The following PCDH11X variants were observed in gnomAD, a reference collection of about 807,000 sequenced individuals.
PCDH11X encodes the protein protocadherin-11 X-linked.
A neutral mutation model predicts 53.3 loss-of-function variants in PCDH11X; 18 were observed. The ratio of observed to expected loss-of-function variants is 0.34; its 90% confidence interval spans 0.23 to 0.50. The LOEUF (loss-of-function observed/expected upper bound fraction) is 0.50. Ranked by LOEUF, PCDH11X falls within the 20% of genes least tolerant of loss-of-function variation. The pLI is 0.98. For missense variants in PCDH11X, 570 were observed against 1,032.4 expected, an observed-to-expected ratio of 0.55 and a Z score of 6.14; for synonymous variants, 279 against 393.3, an observed-to-expected ratio of 0.71 and a Z score of 3.44.
chrX:92,553,724 A>G (rs7880075), intron 10 of PCDH11X, among the ~76,000 whole-genome samples: 14,775 of 107,720 alleles, frequency 0.14, 1,104 homozygotes, highest in African/African-American at 0.26. Flanking sequence ...TCTTCTTAAC[A>G]CTGCTTTTGC....
intron 6 of PCDH11X, among the ~76,000 whole-genome samples, chrX:92,167,482 A>C (rs2065754821): frequency 8.9e-6 from 1 of 112,139 alleles, no homozygotes; most frequent in Non-Finnish European, 1.9e-5. Flanking sequence ...CTCTTGAAAG[A>C]GTCAAAATCA....
intron 6 of PCDH11X, among the ~76,000 whole-genome samples, chrX:91,885,372 A>G (rs1940145342): frequency 9.0e-6 from 1 of 111,485 alleles, no homozygotes. Flanking sequence ...TATTCCTAAA[A>G]TCAGTGCCCT....
chrX:91,931,941 C>T (rs1333459121), intron 6 of PCDH11X, among the ~76,000 whole-genome samples: 1 of 110,966 alleles, frequency 9.0e-6, no homozygotes, highest in Admixed American at 9.6e-5. Context: ...GGTATGAAGC[C>T]CAGGATCCAT....
At chrX:91,792,030 T>G (rs946137746) in intron 1 of PCDH11X, among the ~76,000 whole-genome samples, 7 of 108,644 alleles carry the variant, frequency 6.4e-5, no homozygotes, top group Non-Finnish European at 1.3e-4. Flanking sequence ...CCTGGCTAAC[T>G]TTTTGTATTT....
At chrX:91,829,356 A>G (rs1183641586) in intron 4 of PCDH11X, among the ~76,000 whole-genome samples, 1 of 109,144 alleles carries the variant, frequency 9.2e-6, no homozygotes, top group East Asian at 2.9e-4. Flanking sequence ...ATCCTTATAT[A>G]TAAAACTCAA....
chrX:92,569,507 A>G (rs1602352667), intron 10 of PCDH11X, among the ~76,000 whole-genome samples: 1 of 110,059 alleles, frequency 9.1e-6, no homozygotes, highest in Non-Finnish European at 1.9e-5. Context: ...AAAAATAAAA[A>G]TCACGCAGGT....
chrX:92,467,093 A>G (rs1394488934), intron 9 of PCDH11X, among the ~76,000 whole-genome samples: 1 of 111,090 alleles, frequency 9.0e-6, no homozygotes, highest in East Asian at 2.8e-4. Context: ...AATTCTATGT[A>G]GAAGATCAAT....
chrX:92,521,137 A>G (rs1353917008), intron 10 of PCDH11X, among the ~76,000 whole-genome samples: 12 of 111,776 alleles, frequency 1.1e-4, no homozygotes, highest in Admixed American at 1.1e-3. Flanking sequence ...TGGCATCTAG[A>G]ATGGTGAAAC....
At chrX:92,202,909 G>C (rs1476061965) in intron 7 of PCDH11X, among the ~76,000 whole-genome samples, 3 of 111,064 alleles carry the variant, frequency 2.7e-5, no homozygotes, top group African/African-American at 9.8e-5. Context: ...TGTAGTCCCA[G>C]CTACCCAGGA....
At chrX:91,989,714 G>T (rs1375196004) in intron 6 of PCDH11X, among the ~76,000 whole-genome samples, 2 of 110,857 alleles carry the variant, frequency 1.8e-5, no homozygotes, top group African/African-American at 6.5e-5. Flanking sequence ...ATGAAATTTT[G>T]ATTTCAAATG....
At chrX:91,791,447 T>A (rs1935531896) in intron 1 of PCDH11X, among the ~76,000 whole-genome samples, 3 of 108,365 alleles carry the variant, frequency 2.8e-5, no homozygotes, top group Non-Finnish European at 5.7e-5. Context: ...TGCCACACAC[T>A]TTTAAACAAC....
At position 92,529,854 on chromosome X, in the gene PCDH11X, G is replaced by T. The variant is rs376092434; in HGVS notation, c.3367+61532G>T. Among the ~76,000 whole-genome samples, 696 of 106,584 alleles carry T rather than the reference G, an allele frequency of 6.5e-3. 5 individuals carry two copies. The South Asian group carries it at 0.068, about 10-fold the overall frequency. 92.6% of individuals were successfully genotyped at this position (106,584 alleles called of 115,157 possible). ...GTCAATAATGACATCCATTATTGATGATAACAGTTCTTTTCTAGGTTTGGT... is the reference window on the plus strand; with the variant it reads ...GTCAATAATGACATCCATTATTGATTATAACAGTTCTTTTCTAGGTTTGGT... On this transcript the variant is annotated intron_variant, in intron 10 of 10. Coordinates refer to ENST00000682573, the MANE Select transcript of PCDH11X (RefSeq NM_032968.5).
chrX:92,412,444 G>T (rs1379366233), intron 9 of PCDH11X, among the ~76,000 whole-genome samples: 4 of 96,067 alleles, frequency 4.2e-5, no homozygotes, highest in African/African-American at 1.2e-4. Context: ...CTGTCACAGG[G>T]GGCTTTAATT....
chrX:91,844,108 G>C lies in PCDH11X; in HGVS notation c.540+8064G>C, dbSNP rs777423403. On this transcript the variant is annotated intron_variant, in intron 5 of 10. Transcript: ENST00000682573. ...CAATAGTTATGGGTTTTACTCTGTAGGTTGAGGTTAATTACAGTCTTTCAC... is the reference window on the plus strand; with the variant it reads ...CAATAGTTATGGGTTTTACTCTGTACGTTGAGGTTAATTACAGTCTTTCAC... Among the ~76,000 whole-genome samples, 11 of 111,783 alleles carry C rather than the reference G, an allele frequency of 9.8e-5. No individual in the cohort carries two copies. In the East Asian group the frequency reaches 3.1e-3, roughly 31 times the overall value.
chrX:91,824,191 C>A (rs1936813113), intron 4 of PCDH11X, among the ~76,000 whole-genome samples: 1 of 110,911 alleles, frequency 9.0e-6, no homozygotes, highest in Non-Finnish European at 1.9e-5. Flanking sequence ...TTGTGGCGTT[C>A]TCTGTATTTC....
intron 6 of PCDH11X, among the ~76,000 whole-genome samples, chrX:91,909,800 C>A (rs779820617): frequency 9.0e-6 from 1 of 110,846 alleles, no homozygotes; most frequent in Non-Finnish European, 1.9e-5. Flanking sequence ...AGGTATAATG[C>A]GCAAATCAAA....
At chrX:92,503,581 T>G (rs1265314079) in intron 10 of PCDH11X, among the ~76,000 whole-genome samples, 4 of 99,374 alleles carry the variant, frequency 4.0e-5, no homozygotes, top group Non-Finnish European at 6.1e-5. Context: ...TGCAGAGACA[T>G]AGATGGAGTT....
At chrX:92,457,072 A>G (rs1391827926) in intron 9 of PCDH11X, among the ~76,000 whole-genome samples, 3 of 108,963 alleles carry the variant, frequency 2.8e-5, no homozygotes. Flanking sequence ...AATAATAATC[A>G]TATATCTTTC....
At chrX:92,389,427 G>A (rs1270419258) in intron 9 of PCDH11X, among the ~76,000 whole-genome samples, 1 of 111,421 alleles carries the variant, frequency 9.0e-6, no homozygotes, top group Non-Finnish European at 1.9e-5. Context: ...ATCATGCCCT[G>A]TTAAATAAGA....
Sources: gnomAD v4.1 joint callset for allele counts (sites outside exome capture counted in the v4.1 genomes callset) on GRCh38, gnomAD v4.1.1 for gene constraint, MANE v1.5 for transcripts, NCBI Gene and HGNC (gene_info 2026-07-23, HGNC 2026-07-21) for gene names.